OGFOD3: variants seen among roughly 807,000 people sequenced by gnomAD.
OGFOD3 encodes 2-oxoglutarate and iron dependent oxygenase domain containing 3, also known as 2-oxoglutarate and iron-dependent oxygenase domain-containing protein 3.
In OGFOD3, 35 loss-of-function variants were observed where a neutral mutation model predicts 39.8. The ratio of observed to expected loss-of-function variants is 0.88; its 90% CI spans 0.67 to 1.17. The LOEUF (loss-of-function observed/expected upper bound fraction) is 1.17, where lower values mean the gene tolerates loss of function less well. OGFOD3 is among the 50% of genes most tolerant of loss of function. OGFOD3 has a pLI of 0.00. For missense variants in OGFOD3, 438 were observed against 454.5 expected, an observed-to-expected ratio of 0.96 and a Z score of 0.33; for synonymous variants, 200 against 192.0, an observed-to-expected ratio of 1.04 and a Z score of -0.34.
At chr17:82,394,430 G>A (rs772759254) in intron 8 of OGFOD3, 2 of 1,613,336 alleles carry the variant, frequency 1.2e-6, no homozygotes, top group Non-Finnish European at 1.7e-6. Context: ...CTCTCGGGCG[G>A]GTGGTGAGTC....
At chr17:82,409,195 G>A (rs539859542) in intron 4 of OGFOD3, among the ~76,000 whole-genome samples, 173 bp downstream of exon 4, 12 of 152,304 alleles carry the variant, frequency 7.9e-5, no homozygotes, top group South Asian at 2.1e-4. Context: ...GACGCCGCAC[G>A]GGTTTCAGTC....
chr17:82,416,155 G>A (rs886997713), intron 1 of OGFOD3, among the ~76,000 whole-genome samples: 2 of 152,192 alleles, frequency 1.3e-5, no homozygotes, highest in Non-Finnish European at 2.9e-5. Flanking sequence ...AGAATCATTT[G>A]AACCCGGGAG....
chr17:82,394,436 G>A, intron 8 of OGFOD3: 1 of 1,613,542 alleles, frequency 6.2e-7, no homozygotes, highest in Non-Finnish European at 8.5e-7. Flanking sequence ...GGCGGGTGGT[G>A]AGTCCCCGGA....
rs111372572 is a variant in OGFOD3, at chr17:82,394,623, G to C, written c.824-2089C>G. On this transcript the variant is annotated intron_variant, in intron 8 of 8. Transcript: ENST00000313056. The stretch of plus-strand genomic sequence containing the variant: ...CGGTGCACACCCTACACCCTCCAGA[G>C]AGAGGCCTGGCCTTTGCCCCGGCTC... 6.5e-4 allele frequency: 766 copies of C among 1,175,650 alleles called. 2 individuals are homozygous for C. The African/African-American group carries it at 0.01, about 16-fold the overall frequency. The allele number at this position is 1,175,650 out of a possible 1,614,324, so 72.8% of individuals were successfully genotyped here.
chr17:82,398,317 C>G lies in OGFOD3; in HGVS notation c.702G>C (p.Val234=). 1 of 1,613,956 alleles carries G rather than the reference C, an allele frequency of 6.2e-7. No homozygotes were observed. The highest frequency in any genetic ancestry group is 1.7e-5 in the Admixed American group (1 of 60,006). Residue 234 remains valine, a splice_region_variant and synonymous_variant, in exon 8 of 9, where the codon GTG becomes GTC. Transcript: ENST00000313056. ...AGGTGTAGTCGAAGGAGCCGTAGGT[C>G]ACCTGAGGGCAGAGCCGGGAGGAGG... ...DEYWHAHVDK[V]TYGSFDYTSL... is the part of the protein sequence containing the mutation.
In OGFOD3 at chr17:82,391,660, G is replaced by A. The variant is rs1234474375; in HGVS notation, c.*738C>T. 6.6e-6 allele frequency: 1 copy of A among 152,456 alleles called. No individual in the cohort carries two copies. Among genetic ancestry groups the A allele is most frequent in the Non-Finnish European group, 1.5e-5 (1 of 68,284 alleles). The allele number at this position is 152,456 out of a possible 1,614,324, so 9.4% of individuals were successfully genotyped here. On this transcript the variant is annotated 3_prime_UTR_variant, in exon 9 of 9. Transcript: ENST00000313056. This position sits in a 1 kb window ranked among gnomAD's most constrained non-coding sequence, Gnocchi z 5.1. ...ATGCCAGGGCAAAGGGGGAGGAGGA[G>A]ACCTACCCTCGACCCAGCAGAAGGC...
At chr17:82,417,856 A>C (rs1001289405) in intron 1 of OGFOD3, among the ~76,000 whole-genome samples, 5 of 152,280 alleles carry the variant, frequency 3.3e-5, no homozygotes, top group Admixed American at 2.6e-4. Context: ...AAAGAGCAAA[A>C]TATTAATATC....
intron 2 of OGFOD3, among the ~76,000 whole-genome samples, chr17:82,414,249 T>C (rs2052998426): frequency 6.6e-6 from 1 of 152,162 alleles, no homozygotes; most frequent in East Asian, 1.9e-4. Flanking sequence ...GTTCAAGTGA[T>C]TCTTCCACCT....
chr17:82,413,168 G>A (rs1030233916), intron 2 of OGFOD3, among the ~76,000 whole-genome samples: 1 of 152,230 alleles, frequency 6.6e-6, no homozygotes, highest in Non-Finnish European at 1.5e-5. Flanking sequence ...CACAAAACGC[G>A]AGGACACAGG....
In OGFOD3 at chr17:82,404,332, G is replaced by A. The variant is rs1401312942; in HGVS notation, c.546-242C>T. 1.3e-5 allele frequency among the ~76,000 whole-genome samples: 2 copies of A among 152,218 alleles called. No individual in the cohort carries two copies. The highest frequency in any genetic ancestry group is 2.9e-5 in the Non-Finnish European group (2 of 68,032). ...CAGCAGCAGGACTGGGGAGGCAGAAGGGGGCCTGCAGGACCAACGCTGGGG... is the reference window on the plus strand; with the variant it reads ...CAGCAGCAGGACTGGGGAGGCAGAAAGGGGCCTGCAGGACCAACGCTGGGG... On this transcript the variant is annotated intron_variant, in intron 6 of 8. Transcript: ENST00000313056. The surrounding 1 kb of genome is among the most constrained non-coding windows in gnomAD (Gnocchi z 4.5).
At chr17:82,401,204 C>T (rs532061196) in intron 7 of OGFOD3, 83 of 147,416 alleles carry the variant, frequency 5.6e-4, no homozygotes, top group Non-Finnish European at 1.1e-3. Flanking sequence ...AGTACAGTGG[C>T]GCGATCTCGG....
chr17:82,396,190 C>A (rs1379046378), intron 8 of OGFOD3, among the ~76,000 whole-genome samples: 1 of 150,756 alleles, frequency 6.6e-6, no homozygotes, highest in African/African-American at 2.5e-5. Flanking sequence ...TAGATACACA[C>A]AATTAGACAG....
In OGFOD3 at chr17:82,415,325, C is replaced by G; in HGVS notation, c.304+73G>C. On this transcript the variant is annotated intron_variant, in intron 2 of 8. Transcript: ENST00000313056. The surrounding 1 kb of genome is among the most constrained non-coding windows in gnomAD (Gnocchi z 5.3). ...AAGCATACCACATCCAACCCAATTCCCACCCCTTCGTCGCAGCCAATGTCC... is the reference window on the plus strand; with the variant it reads ...AAGCATACCACATCCAACCCAATTCGCACCCCTTCGTCGCAGCCAATGTCC... The G allele has an allele frequency of 6.9e-7, 1 of 1,450,982 alleles. No individual in the cohort carries two copies. The highest frequency in any genetic ancestry group is 1.2e-5 in the South Asian group (1 of 80,274). The allele number at this position is 1,450,982 out of a possible 1,614,324, so 89.9% of individuals were successfully genotyped here.
intron 7 of OGFOD3, among the ~76,000 whole-genome samples, chr17:82,400,098 C>A (rs1185034000): frequency 6.6e-6 from 1 of 152,182 alleles, no homozygotes; most frequent in East Asian, 1.9e-4. Context: ...AGAGCAGGAT[C>A]ACGCTGGGGC....
chr17:82,405,628 AACAT>A (rs2052843472), intron 5 of OGFOD3, among the ~76,000 whole-genome samples: 1 of 152,164 alleles, frequency 6.6e-6, no homozygotes, highest in African/African-American at 2.4e-5. Context: ...CATCCTGGCC[AACAT>A]GGCACAACCC....
chr17:82,403,910 G>T (rs1488525216), intron 7 of OGFOD3, 27 bp downstream of exon 7: 1 of 1,575,014 alleles, frequency 6.3e-7, no homozygotes, highest in South Asian at 1.1e-5. Context: ...CCACGGGCAC[G>T]CTCACCCTGC....
Position 82,406,547 on chromosome 17 carries a change from G to C in OGFOD3, c.424-65C>G, listed in dbSNP as rs1340769432. The C allele has an allele frequency of 2.4e-5, 34 of 1,389,186 alleles. No individual in the cohort carries two copies. Among genetic ancestry groups the C allele is most frequent in the Non-Finnish European group, 3.3e-5 (32 of 976,118 alleles). The allele number at this position is 1,389,186 out of a possible 1,614,324, so 86.1% of individuals were successfully genotyped here. ...AATGGCAATGGCTGTTAAAAGTCAT[G>C]GATGGTAAATGCGAGTTTCCAAGGT... On this transcript the variant is annotated intron_variant, in intron 4 of 8. Coordinates refer to ENST00000313056, the MANE Select transcript of OGFOD3 (RefSeq NM_024648.3). This position sits in a 1 kb window ranked among gnomAD's most constrained non-coding sequence, Gnocchi z 5.2.
rs778649743 is a variant in OGFOD3, at chr17:82,406,509, G to A, written c.424-27C>T. ...TGGAAAAGACGTTGTGGAGTAAAGCGTGCAGCCGCAGCAATGGCAATGGCT... is the reference window on the plus strand; with the variant it reads ...TGGAAAAGACGTTGTGGAGTAAAGCATGCAGCCGCAGCAATGGCAATGGCT... On this transcript the variant is annotated intron_variant, in intron 4 of 8. Coordinates refer to ENST00000313056, the MANE Select transcript of OGFOD3 (RefSeq NM_024648.3). This position sits in a 1 kb window ranked among gnomAD's most constrained non-coding sequence, Gnocchi z 5.2. The A allele has an allele frequency of 8.7e-6, 14 of 1,602,904 alleles. No individual in the cohort carries two copies. The Admixed American group carries it at 1.5e-4, about 17-fold the overall frequency.
chr17:82,401,892 G>A (rs1400853827), intron 7 of OGFOD3, among the ~76,000 whole-genome samples: 1 of 151,008 alleles, frequency 6.6e-6, no homozygotes, highest in Non-Finnish European at 1.5e-5. Flanking sequence ...TCATCTAACT[G>A]CCATTCCTTC....
Sources: allele counts gnomAD v4.1 joint callset (sites outside exome capture counted in the v4.1 genomes callset), GRCh38; gene constraint gnomAD v4.1.1; non-coding constraint Gnocchi (gnomAD v3.1); transcripts MANE v1.5; gene names NCBI Gene and HGNC (gene_info 2026-07-23, HGNC 2026-07-21).